Variants in MICAL2 observed in about 807,000 individuals in gnomAD.
The protein encoded by MICAL2 is microtubule associated monooxygenase, calponin and LIM domain containing 2, also known as [F-actin]-monooxygenase MICAL2.
MICAL2 carries 77 observed loss-of-function variants against 127.3 expected under a neutral mutation model. The ratio of observed to expected loss-of-function variants is 0.60; its 90% CI spans 0.50 to 0.73. The LOEUF is 0.73. Among genes scored for constraint, MICAL2 ranks in the 30% least tolerant of loss-of-function variants. The pLI is 0.00. For missense variants in MICAL2, 1,351 were observed against 1,434.4 expected, an observed-to-expected ratio of 0.94 and a Z score of 0.94; for synonymous variants, 570 against 551.1, an observed-to-expected ratio of 1.03 and a Z score of -0.48.
chr11:12,322,062 A>G (rs1322198417), intron 30 of MICAL2, among the ~76,000 whole-genome samples: 1 of 152,074 alleles, frequency 6.6e-6, no homozygotes, highest in African/African-American at 2.4e-5. Context: ...GTATAAGTTA[A>G]TTTCCTCTCT....
chr11:12,341,022 T>G (rs1184413626), intron 32 of MICAL2, among the ~76,000 whole-genome samples: 1 of 152,166 alleles, frequency 6.6e-6, no homozygotes, highest in African/African-American at 2.4e-5. Context: ...TTATCATCAT[T>G]CTGTGTAAGG....
chr11:12,128,445 C>G (rs1014326738), intron 1 of MICAL2, among the ~76,000 whole-genome samples: 1 of 152,212 alleles, frequency 6.6e-6, no homozygotes, highest in African/African-American at 2.4e-5. Flanking sequence ...GGTCACATAG[C>G]TGGTAAATGG....
intron 21 of MICAL2, among the ~76,000 whole-genome samples, chr11:12,244,431 G>A (rs1160369898): frequency 3.9e-5 from 6 of 152,080 alleles, no homozygotes; most frequent in Non-Finnish European, 7.4e-5. Flanking sequence ...AGTTGAGATG[G>A]GAAATAGCAC....
At chr11:12,250,351 C>T (rs1449016114) in intron 22 of MICAL2, 1 of 152,214 alleles carries the variant, frequency 6.6e-6, no homozygotes, top group African/African-American at 2.4e-5. Flanking sequence ...AAGCACATCA[C>T]AGAGAATGGG....
chr11:12,150,587 A>C (rs1193980019), intron 2 of MICAL2, among the ~76,000 whole-genome samples: 1 of 152,150 alleles, frequency 6.6e-6, no homozygotes, highest in Non-Finnish European at 1.5e-5. Context: ...GTGAATAGGC[A>C]TAGAGAAATC....
At chr11:12,162,449 T>C (rs2133807240) in intron 3 of MICAL2, 30 bp downstream of exon 3, 1 of 1,610,210 alleles carries the variant, frequency 6.2e-7, no homozygotes, top group Non-Finnish European at 8.5e-7. Context: ...GTCTTACCTT[T>C]GCAGGGCGTG....
intron 29 of MICAL2, chr11:12,303,716 T>TG (rs1173731830): frequency 6.6e-6 from 1 of 152,238 alleles, no homozygotes; most frequent in Non-Finnish European, 1.5e-5. Context: ...ATACTTTTAT[T>TG]GTATTATTAG....
chr11:12,118,447 G>GC lies in MICAL2; in HGVS notation c.-149+7723dup, dbSNP rs148935790. ...CTGTTCCCCTTCTGCTCTTCCTGCG[G>GC]CCTGCTGAAGAAGCAACCAGGATGT... On this transcript the variant is annotated intron_variant, in intron 1 of 27. Coordinates refer to ENST00000683283, the MANE Select transcript of MICAL2 (RefSeq NM_001282663.2). Among the ~76,000 whole-genome samples, 1,212 of 152,270 alleles carry GC rather than the reference G, an allele frequency of 8.0e-3. 15 individuals are homozygous for GC. Among genetic ancestry groups the GC allele is most frequent in the African/African-American group, 0.027 (1,139 of 41,534 alleles).
At chr11:12,200,567 A>G (rs1479347016) in intron 3 of MICAL2, among the ~76,000 whole-genome samples, 1 of 152,206 alleles carries the variant, frequency 6.6e-6, no homozygotes, top group Non-Finnish European at 1.5e-5. Context: ...CCAACAAGCC[A>G]TCTCTCTGGC....
chr11:12,292,055 A>T (rs1863910078), downstream of MICAL2: 5 of 1,454,814 alleles, frequency 3.4e-6, no homozygotes, highest in East Asian at 1.2e-4. Flanking sequence ...CTGACTGTTT[A>T]TAGAATTGGA....
chr11:12,331,582 C>A (rs1864429269), intron 32 of MICAL2, among the ~76,000 whole-genome samples: 1 of 152,064 alleles, frequency 6.6e-6, no homozygotes, highest in South Asian at 2.1e-4. Flanking sequence ...GCTGAGGACC[C>A]GAGGAATAAA....
chr11:12,244,129 A>G lies in MICAL2; in HGVS notation c.2784+17A>G. 3 of 1,614,116 alleles carry G rather than the reference A, an allele frequency of 1.9e-6. No individual in the cohort carries two copies. The highest frequency in any genetic ancestry group is 1.7e-6 in the Non-Finnish European group (2 of 1,179,990). ...GCCAGAAAGGTAGTTGTCCTGAACA[A>G]TTTGCTTTCCCTATTCCCTGCATGT... On this transcript the variant is annotated intron_variant, in intron 21 of 27. Transcript: ENST00000683283.
chr11:12,314,749 G>A (rs1156285177), intron 29 of MICAL2, among the ~76,000 whole-genome samples: 2 of 151,094 alleles, frequency 1.3e-5, no homozygotes, highest in Non-Finnish European at 1.5e-5. Flanking sequence ...GCCTCCCAAA[G>A]TGCTGGGATT....
intron 1 of MICAL2, among the ~76,000 whole-genome samples, chr11:12,118,961 C>T (rs1392044634): frequency 6.6e-6 from 1 of 152,178 alleles, no homozygotes; most frequent in East Asian, 1.9e-4. Context: ...TGAAAATCCT[C>T]TAGGTGGGTT....
chr11:12,350,528 T>C (rs773376458), intron 33 of MICAL2, among the ~76,000 whole-genome samples: 1 of 152,194 alleles, frequency 6.6e-6, no homozygotes, highest in South Asian at 2.1e-4. Context: ...TAAGTTGTGC[T>C]GGGTGCTTCC....
rs762139289 is a variant in MICAL2 at position 12,242,798 on chromosome 11, C to T, written c.2658+26C>T. ...GTAAACATGGGGCTTTCAGAGCCCC[C>T]AGGAACCTGATGCTGGACATCCAGC... On this transcript the variant is annotated intron_variant, in intron 20 of 27. Transcript: ENST00000683283. 5 of 1,532,288 alleles carry T rather than the reference C, an allele frequency of 3.3e-6. No homozygotes were observed. The African/African-American group carries it at 4.2e-5, about 13-fold the overall frequency. The allele number at this position is 1,532,288 out of a possible 1,614,324, so 94.9% of individuals were successfully genotyped here. A position where few individuals can be genotyped will look rare whatever the true frequency, so the allele number is the denominator to read the frequency against.
In MICAL2 at chr11:12,110,919, G is replaced by C. The variant is rs1228703129; in HGVS notation, c.-149+193G>C. Among the ~76,000 whole-genome samples, 1 of 152,166 alleles carries C rather than the reference G, an allele frequency of 6.6e-6. No homozygotes were observed. Among genetic ancestry groups the C allele is most frequent in the Non-Finnish European group, 1.5e-5 (1 of 68,016 alleles). On this transcript the variant is annotated intron_variant, in intron 1 of 27. Transcript: ENST00000683283. This position sits in a 1 kb window ranked among gnomAD's most constrained non-coding sequence, Gnocchi z 4.5. ...GTGGCGCTGCGACGAAGCCCGGGGC[G>C]GCCCTGGCCGGCCTCTGAACCAATT... is the stretch of plus-strand genomic sequence containing the variant.
At chr11:12,161,924 T>C (rs1854852122) in intron 2 of MICAL2, 155 bp from the exon 3 acceptor site, 2 of 581,088 alleles carry the variant, frequency 3.4e-6, no homozygotes, top group Non-Finnish European at 6.0e-6. Flanking sequence ...CACAATTCTG[T>C]ATCTGTTATA....
At chr11:12,165,952 T>C (rs1379694035) in intron 3 of MICAL2, among the ~76,000 whole-genome samples, 1 of 152,204 alleles carries the variant, frequency 6.6e-6, no homozygotes, top group Admixed American at 6.5e-5. Flanking sequence ...TGGGCGTGAC[T>C]GTGTTTGGAT....
Sources: allele counts gnomAD v4.1 joint callset (sites outside exome capture counted in the v4.1 genomes callset), GRCh38; gene constraint gnomAD v4.1.1; non-coding constraint Gnocchi (gnomAD v3.1); transcripts MANE v1.5; gene names NCBI Gene and HGNC (gene_info 2026-07-23, HGNC 2026-07-21).